The following WDSUB1 variants were observed in gnomAD, a reference collection of about 807,000 sequenced individuals.
WDSUB1 encodes the protein WD repeat, SAM and U-box domain-containing protein 1.
A neutral mutation model predicts 53.9 loss-of-function variants in WDSUB1; 49 were observed. The ratio of observed to expected loss-of-function variants is 0.91; its 90% CI spans 0.72 to 1.15. The LOEUF is 1.15. Ranked by LOEUF, WDSUB1 falls within the 50% of genes most tolerant of loss-of-function variation. The probability of loss-of-function intolerance (pLI) is 0.00; values close to 1 mark genes in which losing one functional copy is unlikely to be tolerated. For synonymous variants in WDSUB1, 194 were observed against 200.6 expected (o/e 0.97, Z 0.28); for missense variants, 514 against 562.0 (o/e 0.91, Z 0.86).
chr2:159,253,200 G>A (rs57946341), intron 9 of WDSUB1, among the ~76,000 whole-genome samples: 2,900 of 152,270 alleles, frequency 0.019, 106 homozygotes, highest in African/African-American at 0.066. Flanking sequence ...GATATTAAAT[G>A]TTATAGTAGT....
intron 2 of WDSUB1, among the ~76,000 whole-genome samples, chr2:159,280,311 T>C (rs1405485709): frequency 6.6e-6 from 1 of 152,196 alleles, no homozygotes; most frequent in Non-Finnish European, 1.5e-5. Context: ...ACTACAGCCA[T>C]ATTTTTTAAA....
chr2:159,240,663 T>A (rs1241123877), intron 10 of WDSUB1, among the ~76,000 whole-genome samples: 1 of 152,192 alleles, frequency 6.6e-6, no homozygotes, highest in Non-Finnish European at 1.5e-5. Context: ...TGATGTAAGA[T>A]ATTGTTAGCA....
At chr2:159,256,583 A>G (rs1003365641) in intron 8 of WDSUB1, among the ~76,000 whole-genome samples, 3 of 147,130 alleles carry the variant, frequency 2.0e-5, no homozygotes, top group African/African-American at 7.5e-5. Context: ...TAAGTAACAT[A>G]GGGAGACCAG....
intron 10 of WDSUB1, among the ~76,000 whole-genome samples, chr2:159,239,178 A>G (rs1469881681): frequency 6.6e-6 from 1 of 151,974 alleles, no homozygotes; most frequent in African/African-American, 2.4e-5. Flanking sequence ...ATTTTTAAAA[A>G]TTTTTTGTAG....
intron 10 of WDSUB1, among the ~76,000 whole-genome samples, chr2:159,248,042 G>A (rs906034213): frequency 2.7e-5 from 4 of 148,886 alleles, no homozygotes; most frequent in African/African-American, 4.9e-5. Context: ...TAAATTCTTT[G>A]TAGAAGATTG....
At chr2:159,251,124 G>A (rs1023294445) in intron 9 of WDSUB1, among the ~76,000 whole-genome samples, 2 of 150,924 alleles carry the variant, frequency 1.3e-5, no homozygotes, top group Non-Finnish European at 3.0e-5. Context: ...AAATTAGCTG[G>A]GCATGGTGGT....
chr2:159,255,069 G>A (rs1407195904), intron 9 of WDSUB1, among the ~76,000 whole-genome samples: 1 of 152,150 alleles, frequency 6.6e-6, no homozygotes, highest in African/African-American at 2.4e-5. Context: ...GGTCGAGGCT[G>A]TAGTGAGCTG....
chr2:159,248,725 C>T (rs2060879465), intron 9 of WDSUB1, among the ~76,000 whole-genome samples: 1 of 152,164 alleles, frequency 6.6e-6, no homozygotes, highest in Admixed American at 6.5e-5. Flanking sequence ...CCCACCTCAG[C>T]CTCCTGAGTA....
chr2:159,279,753 TAACC>T lies in WDSUB1; in HGVS notation c.583+4_583+7del. 1 of 1,594,744 alleles carries T rather than the reference TAACC, an allele frequency of 6.3e-7. No individual in the cohort carries two copies. The highest frequency in any genetic ancestry group is 8.5e-7 in the Non-Finnish European group (1 of 1,170,506). On this transcript the variant is annotated splice_donor_5th_base_variant and intron_variant, in intron 3 of 10. Coordinates refer to ENST00000359774, the MANE Select transcript of WDSUB1 (RefSeq NM_001128212.3). Reference sequence around the variant, plus strand: ...ATTTCTAGTGCTTAAAAGAATAAAATAACCAACCAGAAACTGGCTGTGAAGAAAA... The same window carrying T: ...ATTTCTAGTGCTTAAAAGAATAAAATAACCAGAAACTGGCTGTGAAGAAAA...
At chr2:159,258,464 G>A (rs1387810605) in intron 6 of WDSUB1, among the ~76,000 whole-genome samples, 2 of 152,198 alleles carry the variant, frequency 1.3e-5, no homozygotes, top group East Asian at 3.9e-4. Context: ...TTTGAGACCA[G>A]CCTGGCCAAC....
intron 8 of WDSUB1, among the ~76,000 whole-genome samples, chr2:159,257,537 C>A (rs2061091477): frequency 6.6e-6 from 1 of 152,034 alleles, no homozygotes; most frequent in African/African-American, 2.4e-5. Context: ...TAAGCATGCA[C>A]CATCATGCTG....
Position 159,271,758 on chromosome 2 carries a change from G to A in WDSUB1, c.714C>T (p.His238=). 1 of 1,614,180 alleles carries A rather than the reference G, an allele frequency of 6.2e-7. No individual in the cohort carries two copies. Among genetic ancestry groups the A allele is most frequent in the Non-Finnish European group, 8.5e-7 (1 of 1,180,006 alleles). The change falls in exon 5 of 11, where the codon CAC becomes CAT. Residue 238 remains histidine, a synonymous_variant. Transcript: ENST00000359774. Reference sequence around the variant, plus strand: ...AAGCACAAGCCAGAACAGGAGCACAGTGCCCACTCAGTGTACTTTTATATT... The same window carrying A: ...AAGCACAAGCCAGAACAGGAGCACAATGCCCACTCAGTGTACTTTTATATT... ...ELKYKSTLSG[H]CAPVLACAFS... is the part of the protein sequence containing the mutation.
At chr2:159,266,837 G>A (rs952323077) in intron 5 of WDSUB1, among the ~76,000 whole-genome samples, 6 of 152,224 alleles carry the variant, frequency 3.9e-5, no homozygotes, top group Non-Finnish European at 8.8e-5. Context: ...TTAGTGGCAC[G>A]ATTGTGGCTC....
At chr2:159,265,294 C>A (rs1575471821) in intron 5 of WDSUB1, among the ~76,000 whole-genome samples, 1 of 586 alleles carries the variant, frequency 1.7e-3, no homozygotes, top group Admixed American at 0.019. Context: ...GCACACACAC[C>A]ACACACACAC....
Position 159,256,377 on chromosome 2 carries a change from TTAAAA to T in WDSUB1, c.953-7_953-3del. 6.2e-7 allele frequency: 1 copy of T among 1,603,352 alleles called. No individual in the cohort carries two copies. The highest frequency in any genetic ancestry group is 8.5e-7 in the Non-Finnish European group (1 of 1,177,192). ...TCAGCTGATGTTCTGTGCGCCTTGC[TTAAAA>T]TAAACAAACAAGTAAGTGAGATAAC... On this transcript the variant is annotated splice_polypyrimidine_tract_variant and splice_region_variant and intron_variant, in intron 8 of 10. Coordinates refer to ENST00000359774, the MANE Select transcript of WDSUB1 (RefSeq NM_001128212.3).
rs1222558617 is a variant in WDSUB1 at position 159,256,322 on chromosome 2, C to A, written c.1006G>T (p.Asp336Tyr). The A allele has an allele frequency of 3.7e-6, 6 of 1,611,840 alleles. No individual in the cohort carries two copies. The South Asian group carries it at 6.6e-5, about 18-fold the overall frequency. ...TGTGCACAAAGCCATGTTGAGACAT[C>A]CTCCTCTGACCAATCTTCGGTAAAT... ...KQFTEDWSEE[D>Y]VSTWLCAQDL... Residue 336 changes from aspartate to tyrosine, a missense_variant, in exon 9 of 11, where the codon GAT becomes TAT. By Grantham distance (160) the Asp-to-Tyr change is radical. Transcript: ENST00000359774.
Position 159,256,341 on chromosome 2 carries a change from G to C in WDSUB1, c.987C>G (p.Thr329=). The part of the protein sequence containing the change: ...RRTEHQLKQF[T]EDWSEEDVST... ...AGACATCCTCCTCTGACCAATCTTC[G>C]GTAAATTGCTTCAGCTGATGTTCTG... Residue 329 remains threonine, a synonymous_variant, in exon 9 of 11, where the codon ACC becomes ACG. Coordinates refer to ENST00000359774, the MANE Select transcript of WDSUB1 (RefSeq NM_001128212.3). 6.2e-7 allele frequency: 1 copy of C among 1,609,988 alleles called. No individual in the cohort carries two copies. The highest frequency in any genetic ancestry group is 8.5e-7 in the Non-Finnish European group (1 of 1,178,602).
chr2:159,253,919 A>C (rs2151082737), intron 9 of WDSUB1, among the ~76,000 whole-genome samples: 1 of 152,344 alleles, frequency 6.6e-6, no homozygotes, highest in Non-Finnish European at 1.5e-5. Context: ...AAAACCTTAA[A>C]ATACATTAGA....
intron 9 of WDSUB1, 118 bp from the exon 10 acceptor site, chr2:159,248,630 G>A (rs1476951650): frequency 2.0e-5 from 24 of 1,198,850 alleles, no homozygotes; most frequent in Non-Finnish European, 2.5e-5. Flanking sequence ...TGAGACAGGG[G>A]CTCACTCTTT....
Sources: allele counts gnomAD v4.1 joint callset (sites outside exome capture counted in the v4.1 genomes callset), GRCh38; gene constraint gnomAD v4.1.1; transcripts MANE v1.5; gene names NCBI Gene and HGNC (gene_info 2026-07-23, HGNC 2026-07-21).